The following FRMD4B variants were observed in gnomAD, a reference collection of about 807,000 sequenced individuals.
FRMD4B encodes the protein FERM domain containing 4B.
Under a neutral mutation model 141.5 loss-of-function variants are expected in FRMD4B, and 74 were observed. The observed-to-expected ratio is 0.52, with a 90% CI of 0.43 to 0.63. The LOEUF (loss-of-function observed/expected upper bound fraction) is 0.63, where lower values mean the gene tolerates loss of function less well. FRMD4B is among the 30% of genes least tolerant of loss of function. The pLI, the probability that FRMD4B is intolerant of heterozygous loss-of-function variation, is 0.00. For synonymous variants in FRMD4B, 506 were observed against 467.9 expected, an observed-to-expected ratio of 1.08 and a Z score of -1.05; for missense variants, 1,366 against 1,253.4, an observed-to-expected ratio of 1.09 and a Z score of -1.36.
At chr3:69,282,154 G>T (rs2093647688) in intron 5 of FRMD4B, among the ~76,000 whole-genome samples, 1 of 152,182 alleles carries the variant, frequency 6.6e-6, no homozygotes, top group Admixed American at 6.6e-5. Context: ...AAACAAGTAT[G>T]TAAGAAGACA....
intron 17 of FRMD4B, among the ~76,000 whole-genome samples, chr3:69,190,651 G>A (rs148981115): frequency 6.6e-6 from 1 of 152,310 alleles, no homozygotes; most frequent in Non-Finnish European, 1.5e-5. Context: ...CTGGGCTCAA[G>A]TGACCTGCCT....
intron 1 of FRMD4B, among the ~76,000 whole-genome samples, chr3:69,519,163 A>G (rs1700812785): frequency 6.6e-6 from 1 of 152,186 alleles, no homozygotes; most frequent in Non-Finnish European, 1.5e-5. Context: ...TTAGAATCAA[A>G]AAGTATTAAT....
rs565942991 is a variant in FRMD4B at position 69,536,352 on chromosome 3, G to A, written c.-129+5854C>T. 2.3e-4 allele frequency: 157 copies of A among 676,764 alleles called. 2 individuals are homozygous for A. In the South Asian group the frequency reaches 2.6e-3, roughly 11 times the overall value. 41.9% of individuals were successfully genotyped at this position (676,764 alleles called of 1,614,324 possible). ...AGCTGCCAGTGGCCCCCCTTGCTTC[G>A]GAGTTGAGGGGCCTGGCGAGGAGGC... On this transcript the variant is annotated intron_variant, in intron 1 of 5. Transcript: ENST00000459638.
intron 1 of FRMD4B, among the ~76,000 whole-genome samples, chr3:69,511,818 C>T (rs976137693): frequency 2.0e-5 from 3 of 152,168 alleles, no homozygotes; most frequent in Non-Finnish European, 4.4e-5. Flanking sequence ...CCCCACTTAC[C>T]CCTGCACTGT....
intron 5 of FRMD4B, among the ~76,000 whole-genome samples, chr3:69,261,018 T>G (rs149379308): frequency 6.6e-6 from 1 of 152,148 alleles, no homozygotes; most frequent in Non-Finnish European, 1.5e-5. Flanking sequence ...ATCAGCAGGA[T>G]GTGGGTGGGG....
chr3:69,497,964 C>A (rs752157273), intron 1 of FRMD4B, among the ~76,000 whole-genome samples: 5 of 152,178 alleles, frequency 3.3e-5, no homozygotes, highest in Non-Finnish European at 5.9e-5. Context: ...CACTAAGCAC[C>A]ATTCCCTAAG....
At chr3:69,269,898 G>A (rs2093586495) in intron 5 of FRMD4B, among the ~76,000 whole-genome samples, 1 of 152,344 alleles carries the variant, frequency 6.6e-6, no homozygotes, top group African/African-American at 2.4e-5. Flanking sequence ...GGGATTACAG[G>A]CGTGAACCAC....
At chr3:69,282,536 C>T (rs2093649152) in intron 5 of FRMD4B, among the ~76,000 whole-genome samples, 1 of 152,194 alleles carries the variant, frequency 6.6e-6, no homozygotes, top group Non-Finnish European at 1.5e-5. Flanking sequence ...GTGGAATGTT[C>T]TCAAACAATC....
intron 7 of FRMD4B, among the ~76,000 whole-genome samples, chr3:69,225,188 C>A (rs1405346367): frequency 2.0e-5 from 3 of 152,128 alleles, no homozygotes; most frequent in Non-Finnish European, 1.5e-5. Flanking sequence ...ATATAGCAGA[C>A]CAACTCAACC....
chr3:69,313,604 G>T, intron 1 of FRMD4B, 87 bp from the exon 2 acceptor site: 1 of 796,714 alleles, frequency 1.3e-6, no homozygotes, highest in Non-Finnish European at 2.1e-6. Flanking sequence ...TTTTATATGA[G>T]ATGGGCTCAG....
intron 5 of FRMD4B, among the ~76,000 whole-genome samples, chr3:69,271,280 T>A (rs2093593264): frequency 6.6e-6 from 1 of 152,230 alleles, no homozygotes; most frequent in Non-Finnish European, 1.5e-5. Context: ...GATATACCAG[T>A]GAACAAATAA....
At chr3:69,184,436 T>G (rs2107607083) in intron 19 of FRMD4B, among the ~76,000 whole-genome samples, 1 of 152,368 alleles carries the variant, frequency 6.6e-6, no homozygotes, top group East Asian at 1.9e-4. Context: ...TTTTAATGAC[T>G]GCATAGCATT....
At chr3:69,229,015 G>GTTTTTTTTTTTTTT (rs58912710) in intron 7 of FRMD4B, among the ~76,000 whole-genome samples, 10 of 121,014 alleles carry the variant, frequency 8.3e-5, no homozygotes, top group Non-Finnish European at 1.2e-4. Context: ...TCAAAATCAT[G>GTTTTTTTTTTTTTT]TTTTTTTTTT....
chr3:69,247,378 G>A (rs970887428), intron 7 of FRMD4B, among the ~76,000 whole-genome samples: 6 of 152,044 alleles, frequency 3.9e-5, no homozygotes, highest in Admixed American at 2.0e-4. Flanking sequence ...ATCACCTCCC[G>A]TATGATTTCT....
intron 5 of FRMD4B, 178 bp downstream of exon 5, chr3:69,287,574 T>C (rs1700728313): frequency 7.1e-6 from 4 of 560,510 alleles, no homozygotes; most frequent in South Asian, 2.3e-5. Flanking sequence ...CACTCAGAAT[T>C]TGAGAAAAGA....
rs1701775878 is a variant in FRMD4B at position 69,315,529 on chromosome 3, A to AT, written c.163-2013dup. 2.0e-5 allele frequency among the ~76,000 whole-genome samples: 3 copies of AT among 152,242 alleles called. No homozygotes were observed. The South Asian group carries it at 6.2e-4, about 32-fold the overall frequency. ...TATCCGTGTATGTGTGTGTATACAT[A>AT]TTTTTTGTTGTTGTTTCTTTCTTTT... On this transcript the variant is annotated intron_variant, in intron 1 of 22. Coordinates refer to ENST00000398540, the MANE Select transcript of FRMD4B (RefSeq NM_015123.3).
chr3:69,334,770 A>G (rs979120477), intron 1 of FRMD4B, among the ~76,000 whole-genome samples: 1 of 152,166 alleles, frequency 6.6e-6, no homozygotes, highest in Non-Finnish European at 1.5e-5. Context: ...CATATTCACA[A>G]ATATTCATCA....
At chr3:69,241,571 A>G (rs1373333199) in intron 7 of FRMD4B, among the ~76,000 whole-genome samples, 1 of 151,938 alleles carries the variant, frequency 6.6e-6, no homozygotes, top group African/African-American at 2.4e-5. Flanking sequence ...CCAGGAAGGT[A>G]ATGATTCTAA....
chr3:69,237,802 C>T (rs931670600), intron 7 of FRMD4B, among the ~76,000 whole-genome samples: 5 of 152,222 alleles, frequency 3.3e-5, no homozygotes, highest in African/African-American at 1.2e-4. Flanking sequence ...GCGATCTCGG[C>T]TGACTGCAAC....
Sources: allele counts gnomAD v4.1 joint callset (sites outside exome capture counted in the v4.1 genomes callset), GRCh38; gene constraint gnomAD v4.1.1; transcripts MANE v1.5; gene names NCBI Gene and HGNC (gene_info 2026-07-23, HGNC 2026-07-21).